Variants in CPHXL observed in about 807,000 individuals in gnomAD.
The protein encoded by CPHXL is cytoplasmic polyadenylated homeobox like, also known as cytoplasmic polyadenylated homeobox-like protein.
At chr16:75,720,210 A>G (rs1276573988) in intron 1 of CPHXL, among the ~76,000 whole-genome samples, 1 of 152,210 alleles carries the variant, frequency 6.6e-6, no homozygotes, top group Non-Finnish European at 1.5e-5. Flanking sequence ...CCTCCTCCAA[A>G]GGAACGCAGC....
rs575029361 is a variant in CPHXL at position 75,717,607 on chromosome 16, AT to A, written c.219+657del. Among the ~76,000 whole-genome samples the A allele has an allele frequency of 2.0e-5, 3 of 152,178 alleles. No homozygotes were observed. The South Asian group carries it at 6.2e-4, about 32-fold the overall frequency. ...ATCATTTTAAAATTTTTGTATTGTT[AT>A]TTGCTCCCCACCCCCACACCTGCAA... On this transcript the variant is annotated intron_variant, in intron 2 of 2. Coordinates refer to ENST00000640559, the MANE Select transcript of CPHXL (RefSeq NM_001355613.1).
intron 1 of CPHXL, among the ~76,000 whole-genome samples, chr16:75,721,169 C>T (rs1051939845): frequency 3.3e-5 from 5 of 152,108 alleles, no homozygotes; most frequent in East Asian, 1.9e-4. Flanking sequence ...TTAAGACCAT[C>T]GAGGCTAGGA....
intron 1 of CPHXL, 74 bp from the exon 2 acceptor site, chr16:75,718,532 C>T (rs1959427333): frequency 2.5e-6 from 1 of 397,146 alleles, no homozygotes. Flanking sequence ...GAGTTCCCAA[C>T]AGTGTTAGCA....
In CPHXL at chr16:75,726,451, A is replaced by G. The variant is rs1430751443; in HGVS notation, c.-9T>C. The G allele has an allele frequency of 2.0e-5, 8 of 398,536 alleles. No individual in the cohort carries two copies. The highest frequency in any genetic ancestry group is 6.2e-5 in the African/African-American group (3 of 48,634). The allele number at this position is 398,536 out of a possible 1,614,324, so 24.7% of individuals were successfully genotyped here. ...GTGCCGTCCAAATTCATCTTGGGGT[A>G]GAAGACCTGGACTTCACGGAGACCA... On this transcript the variant is annotated 5_prime_UTR_variant, in exon 1 of 3. Transcript: ENST00000640559.
chr16:75,721,877 G>A (rs147770959), intron 1 of CPHXL, among the ~76,000 whole-genome samples: 8,096 of 152,120 alleles, frequency 0.053, 291 homozygotes, highest in African/African-American at 0.089. Context: ...CAGCAAATGT[G>A]AAAGAACAGA....
chr16:75,725,827 G>A (rs983483181), intron 1 of CPHXL, among the ~76,000 whole-genome samples: 1 of 135,258 alleles, frequency 7.4e-6, no homozygotes, highest in African/African-American at 2.8e-5. Context: ...AAACTCCTGG[G>A]TTCAATTGAT....
rs548549449 is a variant in CPHXL at position 75,723,184 on chromosome 16, C to G, written c.25+3234G>C. ...AAACTGGAAGCATTCCCTTTGAAAA[C>G]TGGCACAAGACAGGGATGCCCTCTC... On this transcript the variant is annotated intron_variant, in intron 1 of 2. Transcript: ENST00000640559. 9.2e-5 allele frequency among the ~76,000 whole-genome samples: 14 copies of G among 152,246 alleles called. No homozygotes were observed. The East Asian group carries it at 2.7e-3, about 29-fold the overall frequency.
intron 1 of CPHXL, among the ~76,000 whole-genome samples, chr16:75,721,780 C>T (rs1959480913): frequency 1.3e-5 from 2 of 152,146 alleles, no homozygotes; most frequent in African/African-American, 4.8e-5. Flanking sequence ...AACTCTCCAC[C>T]CCAAATCAAC....
intron 2 of CPHXL, among the ~76,000 whole-genome samples, chr16:75,716,632 G>T (rs1307429431): frequency 6.6e-6 from 1 of 151,906 alleles, no homozygotes; most frequent in Admixed American, 6.6e-5. Flanking sequence ...CAGTGTCTTT[G>T]TTTTTTTTCT....
At chr16:75,724,171 C>A (rs1407577872) in intron 1 of CPHXL, among the ~76,000 whole-genome samples, 1 of 152,126 alleles carries the variant, frequency 6.6e-6, no homozygotes, top group Admixed American at 6.5e-5. Context: ...CATAAAAACC[C>A]TAGAAGAAAA....
chr16:75,725,781 T>C (rs1387767774), intron 1 of CPHXL, among the ~76,000 whole-genome samples: 1 of 143,552 alleles, frequency 7.0e-6, no homozygotes, highest in African/African-American at 2.6e-5. Context: ...TTTTTTTTTT[T>C]TTAGGCAACC....
At chr16:75,726,372 A>T (rs940305705) in intron 1 of CPHXL, 46 bp downstream of exon 1, 19 of 398,490 alleles carry the variant, frequency 4.8e-5, no homozygotes, top group Non-Finnish European at 8.8e-6. Flanking sequence ...ATTGAGAAAA[A>T]GCAAGGGAAG....
chr16:75,716,953 G>A (rs1031030850), intron 2 of CPHXL, among the ~76,000 whole-genome samples: 3 of 152,154 alleles, frequency 2.0e-5, no homozygotes, highest in Non-Finnish European at 1.5e-5. Flanking sequence ...AACTTCATGT[G>A]TCCAAAATGT....
chr16:75,725,273 A>C (rs1189450484), intron 1 of CPHXL, among the ~76,000 whole-genome samples: 1 of 152,062 alleles, frequency 6.6e-6, no homozygotes, highest in Admixed American at 6.6e-5. Context: ...CTTAAAGTAT[A>C]ATAATAAAAA....
intron 1 of CPHXL, among the ~76,000 whole-genome samples, chr16:75,724,392 A>G (rs1024323289): frequency 2.6e-5 from 4 of 152,226 alleles, no homozygotes; most frequent in African/African-American, 9.6e-5. Context: ...AAGGGCTAAT[A>G]TCCAGAATCT....
At chr16:75,716,751 T>C (rs1959398434) in intron 2 of CPHXL, among the ~76,000 whole-genome samples, 1 of 152,192 alleles carries the variant, frequency 6.6e-6, no homozygotes, top group Admixed American at 6.5e-5. Context: ...GTTGAAAGTC[T>C]CAATTTTCTA....
chr16:75,721,500 CAAAG>C (rs1567529359), intron 1 of CPHXL, among the ~76,000 whole-genome samples: 2 of 152,092 alleles, frequency 1.3e-5, no homozygotes, highest in African/African-American at 4.8e-5. Context: ...TCAAAAGAGA[CAAAG>C]AAGGCCATTA....
At chr16:75,723,324 G>A (rs1283707406) in intron 1 of CPHXL, among the ~76,000 whole-genome samples, 2 of 152,162 alleles carry the variant, frequency 1.3e-5, no homozygotes, top group Admixed American at 1.3e-4. Flanking sequence ...CCTGTTTGCA[G>A]ATGACATGAT....
intron 1 of CPHXL, among the ~76,000 whole-genome samples, chr16:75,725,757 T>TTTTTTTTTTTTTG (rs1959550033): frequency 8.5e-6 from 1 of 117,376 alleles, no homozygotes; most frequent in East Asian, 2.7e-4. Flanking sequence ...CGGCGTCTTT[T>TTTTTTTTTTTTTG]TTTTTTTTTT....
Sources: allele counts gnomAD v4.1 joint callset (sites outside exome capture counted in the v4.1 genomes callset), GRCh38; gene constraint gnomAD v4.1.1; transcripts MANE v1.5; gene names NCBI Gene and HGNC (gene_info 2026-07-23, HGNC 2026-07-21).